Variants in ALDH1A3 observed in about 807,000 individuals in gnomAD.
ALDH1A3 encodes aldehyde dehydrogenase 1 family member A3.
A neutral mutation model predicts 57.5 loss-of-function variants in ALDH1A3; 28 were observed. The observed-to-expected ratio is 0.49, with a 90% CI of 0.36 to 0.67. ALDH1A3 has a LOEUF of 0.67. Among genes scored for constraint, ALDH1A3 ranks in the 30% least tolerant of loss-of-function variants. The probability of loss-of-function intolerance (pLI) is 0.00; values close to 1 mark genes in which losing one functional copy is unlikely to be tolerated. For synonymous variants in ALDH1A3, 281 were observed against 264.8 expected, an observed-to-expected ratio of 1.06 and a Z score of -0.59; for missense variants, 507 against 669.4, an observed-to-expected ratio of 0.76 and a Z score of 2.68.
intron 3 of ALDH1A3, chr15:100,888,580 A>G (rs1469039146): frequency 6.6e-6 from 1 of 152,196 alleles, no homozygotes; most frequent in Non-Finnish European, 1.5e-5. Context: ...GTCACCCCTG[A>G]ACTGGCTAGT....
At chr15:100,890,726 A>T (rs2041640611) in intron 3 of ALDH1A3, among the ~76,000 whole-genome samples, 1 of 152,240 alleles carries the variant, frequency 6.6e-6, no homozygotes, top group South Asian at 2.1e-4. Context: ...GCTTACCCTC[A>T]GTGCTGGATG....
At chr15:100,885,168 G>A (rs1038976424) in intron 1 of ALDH1A3, 99 bp from the exon 2 acceptor site, 10 of 825,548 alleles carry the variant, frequency 1.2e-5, no homozygotes, top group Admixed American at 5.8e-5. Context: ...AGAGAGGAAG[G>A]TGGACAAGAT....
At chr15:100,885,660 T>TC in intron 2 of ALDH1A3, among the ~76,000 whole-genome samples, 1 of 151,788 alleles carries the variant, frequency 6.6e-6, no homozygotes, top group African/African-American at 2.4e-5. Flanking sequence ...TTTTTCTTTT[T>TC]TTTTTTTTTT....
chr15:100,900,485 C>A, intron 8 of ALDH1A3, 90 bp from the exon 9 acceptor site: 1 of 1,206,000 alleles, frequency 8.3e-7, no homozygotes, highest in Non-Finnish European at 1.2e-6. Context: ...CTTGTGTGGG[C>A]AATTAGAATT....
chr15:100,884,665 T>C lies in ALDH1A3; in HGVS notation c.100-602T>C, dbSNP rs145811529. ...TGACATAGGTAAACATGCGCCATGGTGGTTTGCTATGAAAATACACATTTT... is the reference window on the plus strand; with the variant it reads ...TGACATAGGTAAACATGCGCCATGGCGGTTTGCTATGAAAATACACATTTT... On this transcript the variant is annotated intron_variant, in intron 1 of 12. Transcript: ENST00000329841. 4.3e-3 allele frequency among the ~76,000 whole-genome samples: 648 copies of C among 151,078 alleles called. 2 individuals are homozygous for C. The highest frequency in any genetic ancestry group is 0.015 in the African/African-American group (624 of 41,156).
rs550509758 is a variant in ALDH1A3, at chr15:100,894,912, A to G, written c.666+830A>G. The G allele has an allele frequency of 2.8e-4, 43 of 152,322 alleles. No homozygotes were observed. Among genetic ancestry groups the G allele is most frequent in the Middle Eastern group, 6.8e-3 (2 of 294 alleles). 9.4% of individuals were successfully genotyped at this position (152,322 alleles called of 1,614,324 possible). On this transcript the variant is annotated intron_variant, in intron 6 of 12. Coordinates refer to ENST00000329841, the MANE Select transcript of ALDH1A3 (RefSeq NM_000693.4). The surrounding 1 kb of genome is among the most constrained non-coding windows in gnomAD (Gnocchi z 4.5). ...TAAAGACTCAAGCAGCGTGCCTAAAATCTTGATTTTCTGAAATAATGTGTT... is the reference window on the plus strand; with the variant it reads ...TAAAGACTCAAGCAGCGTGCCTAAAGTCTTGATTTTCTGAAATAATGTGTT...
Position 100,900,825 on chromosome 15 carries a change from C to T in ALDH1A3, c.1068+66C>T, listed in dbSNP as rs2041760400. 5.2e-6 allele frequency: 8 copies of T among 1,539,886 alleles called. No homozygotes were observed. The South Asian group carries it at 9.6e-5, about 18-fold the overall frequency. ...GGGGCTGAAGCAGGCAGTCCCATGG[C>T]AACCGCCTACAGGGTCCCTCTCCGT... On this transcript the variant is annotated intron_variant, in intron 9 of 12. Transcript: ENST00000329841.
intron 9 of ALDH1A3, among the ~76,000 whole-genome samples, chr15:100,901,881 C>G (rs1045747960): frequency 4.6e-5 from 7 of 152,148 alleles, no homozygotes; most frequent in Admixed American, 4.6e-4. Context: ...TCCACTGGCC[C>G]CAGTCCACAC....
Position 100,905,682 on chromosome 15 carries a change from G to A in ALDH1A3, c.1228G>A (p.Glu410Lys). The change falls in exon 10 of 13, where the codon GAG becomes AAG. Residue 410 changes from glutamate (E) to lysine (K), a missense_variant. This residue lies in a region of ALDH1A3 where 432 missense variants were observed against 608.4 expected (regional missense o/e 0.71). Transcript: ENST00000329841. ...CACAGACAACATGCGGATTGCCAAA[G>A]AGGAGGTACAAGGGGGCTGTGGCAA... is the stretch of plus-strand genomic sequence containing the variant. ...EVTDNMRIAK[E>K]EIFGPVQPIL... 1.3e-6 allele frequency: 2 copies of A among 1,576,734 alleles called. No homozygotes were observed. Among genetic ancestry groups the A allele is most frequent in the South Asian group, 1.2e-5 (1 of 84,770 alleles).
chr15:100,907,358 T>C lies in ALDH1A3; in HGVS notation c.1391+80T>C, dbSNP rs991268015. The C allele has an allele frequency of 2.0e-6, 3 of 1,490,604 alleles. No homozygotes were observed. The African/African-American group carries it at 4.2e-5, about 21-fold the overall frequency. 92.3% of individuals were successfully genotyped at this position (1,490,604 alleles called of 1,614,324 possible). ...ATTATTCTTCTATTAACTGAGAGTT[T>C]CTCATTGTTTACATTGTATATTATA... On this transcript the variant is annotated intron_variant, in intron 11 of 12. Transcript: ENST00000329841.
rs145128616 is a variant in ALDH1A3, at chr15:100,899,457, G to A, written c.884-1118G>A. Among the ~76,000 whole-genome samples, 865 of 152,282 alleles carry A rather than the reference G, an allele frequency of 5.7e-3. 8 individuals are homozygous for A. Among genetic ancestry groups the A allele is most frequent in the Non-Finnish European group, 9.0e-3 (615 of 68,030 alleles). On this transcript the variant is annotated intron_variant, in intron 8 of 12. Transcript: ENST00000329841. Reference sequence around the variant, plus strand: ...GTGTTTGGGGCTTGGTTTTACTTACGAGGGTCATAAAAACATGCTGTGTAG... The same window carrying A: ...GTGTTTGGGGCTTGGTTTTACTTACAAGGGTCATAAAAACATGCTGTGTAG...
At chr15:100,890,164 G>A (rs1417559102) in intron 3 of ALDH1A3, among the ~76,000 whole-genome samples, 1 of 152,160 alleles carries the variant, frequency 6.6e-6, no homozygotes, top group African/African-American at 2.4e-5. Context: ...CACCCCAAGT[G>A]CCATTTCTGG....
Position 100,893,847 on chromosome 15 carries a change from A to G in ALDH1A3, c.538-107A>G. The G allele has an allele frequency of 6.7e-7, 1 of 1,490,264 alleles. No homozygotes were observed. Among genetic ancestry groups the G allele is most frequent in the African/African-American group, 1.4e-5 (1 of 71,476 alleles). The allele number at this position is 1,490,264 out of a possible 1,614,324, so 92.3% of individuals were successfully genotyped here. A position where few individuals can be genotyped will look rare whatever the true frequency, so the allele number is the denominator to read the frequency against. On this transcript the variant is annotated intron_variant, in intron 5 of 12. Transcript: ENST00000329841. The surrounding 1 kb of genome is among the most constrained non-coding windows in gnomAD (Gnocchi z 4.8). ...CTCCTATGTTACCCCACATACCCCAAATCCAGACCATGAAAAGCAAGTGTC... is the reference window on the plus strand; with the variant it reads ...CTCCTATGTTACCCCACATACCCCAGATCCAGACCATGAAAAGCAAGTGTC...
chr15:100,910,656 C>T (rs2041874413), intron 12 of ALDH1A3, among the ~76,000 whole-genome samples: 1 of 152,260 alleles, frequency 6.6e-6, no homozygotes, highest in Non-Finnish European at 1.5e-5. Context: ...CCTTGCTCAA[C>T]AGGGATCACC....
chr15:100,904,044 T>C (rs1014021252), intron 9 of ALDH1A3, among the ~76,000 whole-genome samples: 3 of 152,254 alleles, frequency 2.0e-5, no homozygotes, highest in Non-Finnish European at 4.4e-5. Flanking sequence ...TTTGAGTCAT[T>C]AGAAGGCACT....
At chr15:100,898,477 C>T (rs1158427873) in intron 8 of ALDH1A3, among the ~76,000 whole-genome samples, 7 of 152,242 alleles carry the variant, frequency 4.6e-5, no homozygotes, top group Non-Finnish European at 1.0e-4. Flanking sequence ...GTTTACCTGC[C>T]TGTTCCTGCA....
Position 100,885,278 on chromosome 15 carries a change from C to G in ALDH1A3, c.111C>G (p.Asn37Lys). 1 of 1,612,240 alleles carries G rather than the reference C, an allele frequency of 6.2e-7. No individual in the cohort carries two copies. The highest frequency in any genetic ancestry group is 2.2e-5 in the East Asian group (1 of 44,880). The change falls in exon 2 of 13, where the codon AAC (asparagine) becomes AAG (lysine). Residue 37 changes from asparagine to lysine, a missense_variant. Physicochemically the swap from Asn to Lys is moderately conservative, Grantham distance 94. This residue lies in a region of ALDH1A3 where 75 missense variants were observed against 61.0 expected (regional missense o/e 1.23). Coordinates refer to ENST00000329841, the MANE Select transcript of ALDH1A3 (RefSeq NM_000693.4). ...CCTTTCCTGGTTAGATATTTATCAACAATGAATGGCACGAATCCAAGAGTG... is the reference window on the plus strand; with the variant it reads ...CCTTTCCTGGTTAGATATTTATCAAGAATGAATGGCACGAATCCAAGAGTG... ...LEVKFTKIFI[N>K]NEWHESKSGK...
chr15:100,900,761 T>TA lies in ALDH1A3; in HGVS notation c.1068+4dup. The TA allele has an allele frequency of 6.2e-7, 1 of 1,613,614 alleles. No homozygotes were observed. Among genetic ancestry groups the TA allele is most frequent in the Non-Finnish European group, 8.5e-7 (1 of 1,179,844 alleles). ...GTCAAAACAGAACAGGGGCCTCAGG[T>TA]AATCCCCCTGGTGTGTGTGAAACCA... On this transcript the variant is annotated splice_region_variant and intron_variant, in intron 9 of 12. Transcript: ENST00000329841.
At chr15:100,909,250 T>A (rs2041857854) in intron 12 of ALDH1A3, among the ~76,000 whole-genome samples, 1 of 105,914 alleles carries the variant, frequency 9.4e-6, no homozygotes, top group Non-Finnish European at 2.0e-5. Context: ...AACCCCTCCG[T>A]GTGTGTGCAA....
Sources: allele counts gnomAD v4.1 joint callset (sites outside exome capture counted in the v4.1 genomes callset), GRCh38; gene constraint gnomAD v4.1.1; regional missense constraint gnomAD v4.1.1; non-coding constraint Gnocchi (gnomAD v3.1); transcripts MANE v1.5; gene names NCBI Gene and HGNC (gene_info 2026-07-23, HGNC 2026-07-21).